MATN2: variants seen among roughly 807,000 people sequenced by gnomAD.
The protein encoded by MATN2 is matrilin 2.
In MATN2, 69 loss-of-function variants were observed where a neutral mutation model predicts 103.2. The observed-to-expected ratio is 0.67, with a 90% CI of 0.55 to 0.82. The LOEUF (loss-of-function observed/expected upper bound fraction) is 0.82. Ranked by LOEUF, MATN2 falls within the 40% of genes least tolerant of loss-of-function variation. The pLI is 0.00. For missense variants in MATN2, 1,023 were observed against 1,211.5 expected, an observed-to-expected ratio of 0.84 and a Z score of 2.31; for synonymous variants, 429 against 450.2, an observed-to-expected ratio of 0.95 and a Z score of 0.60.
intron 5 of MATN2, among the ~76,000 whole-genome samples, chr8:97,970,215 G>A (rs986274508): frequency 1.3e-5 from 2 of 152,164 alleles, no homozygotes; most frequent in Non-Finnish European, 2.9e-5. Context: ...TCTAGGGAAG[G>A]GGTAGTAATC....
chr8:97,923,286 A>AATTTTAATCATG (rs1395441428), intron 2 of MATN2, among the ~76,000 whole-genome samples: 1 of 152,040 alleles, frequency 6.6e-6, no homozygotes, highest in Non-Finnish European at 1.5e-5. Context: ...CCCTTTAGGA[A>AATTTTAATCATG]ATTTTAATCA....
intron 2 of MATN2, among the ~76,000 whole-genome samples, chr8:97,898,617 A>G (rs2130020122): frequency 6.6e-6 from 1 of 151,078 alleles, no homozygotes; most frequent in African/African-American, 2.4e-5. Context: ...AAAAAAAAAT[A>G]GTAGTGATGA....
intron 2 of MATN2, among the ~76,000 whole-genome samples, chr8:97,922,768 C>T (rs1174916209): frequency 6.6e-6 from 1 of 152,238 alleles, no homozygotes; most frequent in African/African-American, 2.4e-5. Flanking sequence ...CACTCCCTCA[C>T]TGTCCTTCTC....
At position 98,017,986 on chromosome 8, in the gene MATN2, G is replaced by A. The variant is rs1443951178; in HGVS notation, c.1697-8G>A. ...TGAAATTGTTGTAACTTGCTCTCCT[G>A]TCTTCAGGGAAAGATGTCTGCCAAG... On this transcript the variant is annotated splice_region_variant and splice_polypyrimidine_tract_variant and intron_variant, in intron 11 of 18. Transcript: ENST00000254898. The A allele has an allele frequency of 6.2e-7, 1 of 1,613,094 alleles. No homozygotes were observed. Among genetic ancestry groups the A allele is most frequent in the Non-Finnish European group, 8.5e-7 (1 of 1,179,422 alleles).
chr8:97,921,879 ACCGATCTCAGTCCGTGG>A (rs561674554), intron 2 of MATN2, among the ~76,000 whole-genome samples: 221 of 152,284 alleles, frequency 1.5e-3, no homozygotes, highest in African/African-American at 5.1e-3. Flanking sequence ...CATGCTGTGG[ACCGATCTCAGTCCGTGG>A]CCTGTTAGGA....
chr8:97,946,545 A>G (rs978000410), intron 4 of MATN2, among the ~76,000 whole-genome samples: 1 of 152,206 alleles, frequency 6.6e-6, no homozygotes, highest in Non-Finnish European at 1.5e-5. Context: ...CCGTCTTCAC[A>G]TGCTATTTCC....
At chr8:97,934,203 C>T (rs1436583863) in intron 3 of MATN2, among the ~76,000 whole-genome samples, 3 of 152,184 alleles carry the variant, frequency 2.0e-5, no homozygotes, top group Non-Finnish European at 4.4e-5. Flanking sequence ...AGGCAGCCTT[C>T]GTAGGAGGAA....
At chr8:98,031,040 C>T (rs1262519793) in intron 15 of MATN2, among the ~76,000 whole-genome samples, 2 of 152,138 alleles carry the variant, frequency 1.3e-5, no homozygotes, top group East Asian at 1.9e-4. Context: ...TGCCTAGAAA[C>T]AGTACAAAAA....
chr8:97,880,664 G>T (rs554225379), intron 1 of MATN2, among the ~76,000 whole-genome samples: 1 of 152,238 alleles, frequency 6.6e-6, no homozygotes, highest in Admixed American at 6.5e-5. Flanking sequence ...TTTGTTCAGG[G>T]CTCAGTCCTT....
intron 2 of MATN2, 103 bp downstream of exon 2, chr8:97,888,345 G>C: frequency 1.5e-6 from 2 of 1,308,140 alleles, no homozygotes; most frequent in Non-Finnish European, 2.0e-6. Context: ...CCTTTCCCTG[G>C]GTCCTTGTTG....
At chr8:97,871,023 A>G (rs964313797) in intron 1 of MATN2, among the ~76,000 whole-genome samples, 2 of 152,168 alleles carry the variant, frequency 1.3e-5, no homozygotes, top group African/African-American at 2.4e-5. Context: ...TCTTGTTCCC[A>G]GGCAACCCAG....
At chr8:97,959,804 C>A (rs1811248801) in intron 4 of MATN2, among the ~76,000 whole-genome samples, 1 of 143,788 alleles carries the variant, frequency 7.0e-6, no homozygotes, top group Admixed American at 6.7e-5. Context: ...TTTTAAAAAT[C>A]AATTTGGATA....
At chr8:97,898,633 C>T (rs147408672) in intron 2 of MATN2, among the ~76,000 whole-genome samples, 105 of 152,094 alleles carry the variant, frequency 6.9e-4, no homozygotes, top group Middle Eastern at 3.4e-3. Context: ...GATGACAAGC[C>T]ACCATGTGCC....
At chr8:97,898,685 T>G (rs1367912164) in intron 2 of MATN2, among the ~76,000 whole-genome samples, 1 of 152,032 alleles carries the variant, frequency 6.6e-6, no homozygotes, top group Non-Finnish European at 1.5e-5. Flanking sequence ...CTGCATGTAC[T>G]ATTATCCCTT....
At chr8:97,899,157 G>A (rs1329432669) in intron 2 of MATN2, among the ~76,000 whole-genome samples, 1 of 151,960 alleles carries the variant, frequency 6.6e-6, no homozygotes, top group Non-Finnish European at 1.5e-5. Context: ...TTCTAGGTTG[G>A]GATTTAATAC....
chr8:97,944,930 T>C (rs1810695158), intron 4 of MATN2, among the ~76,000 whole-genome samples: 1 of 152,230 alleles, frequency 6.6e-6, no homozygotes, highest in Admixed American at 6.5e-5. Flanking sequence ...AAGCACCTCT[T>C]ACTCTCTAAG....
At chr8:97,899,532 C>T (rs914114548) in intron 2 of MATN2, among the ~76,000 whole-genome samples, 1 of 152,170 alleles carries the variant, frequency 6.6e-6, no homozygotes, top group African/African-American at 2.4e-5. Context: ...CTCTCCTTGG[C>T]TCATAGGTGG....
intron 14 of MATN2, 100 bp downstream of exon 14, chr8:98,027,929 G>A: frequency 8.1e-7 from 1 of 1,227,464 alleles, no homozygotes; most frequent in East Asian, 2.5e-5. Context: ...TTCTTTGAGT[G>A]TACAGAAAGG....
In MATN2 at chr8:97,926,455, A is replaced by C. The variant is rs1017863813; in HGVS notation, c.143-4498A>C. ...AGGTATTTGCAAAGCTCCTATCATA[A>C]TGCTGGCTGTACTGATAATTTCCTA... On this transcript the variant is annotated intron_variant, in intron 2 of 18. Coordinates refer to ENST00000254898, the MANE Select transcript of MATN2 (RefSeq NM_002380.5). Among the ~76,000 whole-genome samples the C allele has an allele frequency of 4.6e-5, 7 of 152,330 alleles. No homozygotes were observed. The East Asian group carries it at 1.3e-3, about 29-fold the overall frequency.
Sources: gnomAD v4.1 joint callset for allele counts (sites outside exome capture counted in the v4.1 genomes callset) on GRCh38, gnomAD v4.1.1 for gene constraint, MANE v1.5 for transcripts, NCBI Gene and HGNC (gene_info 2026-07-23, HGNC 2026-07-21) for gene names.